Variants in CACNA1D observed in about 807,000 individuals in gnomAD.
The protein encoded by CACNA1D is voltage-dependent L-type calcium channel subunit alpha-1D.
CACNA1D carries 55 observed loss-of-function variants against 257.1 expected under a neutral mutation model. That is an observed-to-expected ratio of 0.21 (90% CI 0.17 to 0.27). The LOEUF (loss-of-function observed/expected upper bound fraction) is 0.27, where lower values mean the gene tolerates loss of function less well. Ranked by LOEUF, CACNA1D falls within the 10% of genes least tolerant of loss-of-function variation. The pLI is 1.00. For synonymous variants in CACNA1D, 980 were observed against 1,014.9 expected, an observed-to-expected ratio of 0.97 and a Z score of 0.65; for missense variants, 1,876 against 2,784.0, an observed-to-expected ratio of 0.67 and a Z score of 7.34.
At chr3:53,548,178 C>A (rs1168613586) in intron 3 of CACNA1D, among the ~76,000 whole-genome samples, 2 of 152,094 alleles carry the variant, frequency 1.3e-5, no homozygotes. Flanking sequence ...CACCTTTCTC[C>A]CCTGAAAGAT....
intron 3 of CACNA1D, among the ~76,000 whole-genome samples, chr3:53,559,379 T>C (rs2092699019): frequency 6.6e-6 from 1 of 152,190 alleles, no homozygotes; most frequent in African/African-American, 2.4e-5. Context: ...TTCCAGTTTT[T>C]CGTATGTTGA....
chr3:53,751,607 G>T lies in CACNA1D; in HGVS notation c.3517-142G>T. ...AGAGTGGTGCCAGCAGCAGGAAGGG[G>T]GTCACTCGTAATCATTTTCACCATC... is the stretch of plus-strand genomic sequence containing the variant. On this transcript the variant is annotated intron_variant, in intron 27 of 47. Coordinates refer to ENST00000350061, the MANE Select transcript of CACNA1D (RefSeq NM_001128840.3). This position sits in a 1 kb window ranked among gnomAD's most constrained non-coding sequence, Gnocchi z 4.3. 1.2e-6 allele frequency: 1 copy of T among 826,268 alleles called. No individual in the cohort carries two copies. The highest frequency in any genetic ancestry group is 2.1e-6 in the Non-Finnish European group (1 of 487,296). The allele number at this position is 826,268 out of a possible 1,614,324, so 51.2% of individuals were successfully genotyped here. A position where few individuals can be genotyped will look rare whatever the true frequency, so the allele number is the denominator to read the frequency against.
intron 29 of CACNA1D, among the ~76,000 whole-genome samples, chr3:53,757,636 A>G (rs2095273633): frequency 1.3e-5 from 2 of 152,176 alleles, no homozygotes; most frequent in Non-Finnish European, 2.9e-5. Flanking sequence ...TTAGTCGAAT[A>G]TTCAAAGTCC....
At chr3:53,719,562 T>C (rs906388985) in intron 10 of CACNA1D, among the ~76,000 whole-genome samples, 193 bp from the exon 11 acceptor site, 1 of 152,196 alleles carries the variant, frequency 6.6e-6, no homozygotes, top group Admixed American at 6.5e-5. Flanking sequence ...TCGAGGGTGC[T>C]CAGTCTGCTC....
In CACNA1D at chr3:53,721,542, G is replaced by A. The variant is rs545564530; in HGVS notation, c.1506-772G>A. Among the ~76,000 whole-genome samples, 4 of 152,346 alleles carry A rather than the reference G, an allele frequency of 2.6e-5. No individual in the cohort carries two copies. In the South Asian group the frequency reaches 8.3e-4, roughly 32 times the overall value. On this transcript the variant is annotated intron_variant, in intron 11 of 47. Transcript: ENST00000350061. ...GGTTTTCTAGAAGGAGACAGGCTAAGGGAGAGAATATTTTCTCTAATCACA... is the reference window on the plus strand; with the variant it reads ...GGTTTTCTAGAAGGAGACAGGCTAAAGGAGAGAATATTTTCTCTAATCACA...
At chr3:53,656,926 G>A (rs938318579) in intron 4 of CACNA1D, among the ~76,000 whole-genome samples, 2 of 152,074 alleles carry the variant, frequency 1.3e-5, no homozygotes, top group Non-Finnish European at 2.9e-5. Flanking sequence ...CCAAAATATG[G>A]AACAACTGGA....
intron 2 of CACNA1D, among the ~76,000 whole-genome samples, chr3:53,498,838 T>G (rs898389300): frequency 1.3e-5 from 2 of 152,236 alleles, no homozygotes; most frequent in African/African-American, 4.8e-5. Context: ...TCTCATGTGC[T>G]TTTTCATTTT....
intron 3 of CACNA1D, among the ~76,000 whole-genome samples, chr3:53,576,018 G>A (rs1053377321): frequency 2.0e-5 from 3 of 152,142 alleles, no homozygotes; most frequent in African/African-American, 7.2e-5. Flanking sequence ...AGATTTTTGT[G>A]TCTGGTGGGA....
At chr3:53,586,419 C>A (rs528779078) in intron 3 of CACNA1D, among the ~76,000 whole-genome samples, 2 of 150,076 alleles carry the variant, frequency 1.3e-5, no homozygotes, top group Admixed American at 6.6e-5. Flanking sequence ...TCATTCTCTT[C>A]GAGGTAACAA....
chr3:53,803,477 A>G lies in CACNA1D; in HGVS notation c.5490A>G (p.Ile1830Met). ...LPTICREDPE[I>M]HGYFRDPHCL... ...CTATTTGCCGGGAAGACCCAGAGATACATGGCTATTTCAGGGACCCCCACT... is the reference window on the plus strand; with the variant it reads ...CTATTTGCCGGGAAGACCCAGAGATGCATGGCTATTTCAGGGACCCCCACT... The change falls in exon 44 of 48, where the codon ATA becomes ATG. Residue 1830 changes from isoleucine to methionine, a missense_variant. Transcript: ENST00000350061. The G allele has an allele frequency of 1.9e-6, 3 of 1,614,228 alleles. No homozygotes were observed. The highest frequency in any genetic ancestry group is 2.2e-5 in the East Asian group (1 of 44,882).
At position 53,690,600 on chromosome 3, in the gene CACNA1D, G is replaced by C. The variant is rs919864128; in HGVS notation, c.1221-12041G>C. Among the ~76,000 whole-genome samples the C allele has an allele frequency of 3.9e-5, 6 of 152,316 alleles. No individual in the cohort carries two copies. In the South Asian group the frequency reaches 1.2e-3, roughly 32 times the overall value. On this transcript the variant is annotated intron_variant, in intron 8 of 47. Transcript: ENST00000350061. ...TTCAGTGGGCACTCCCCCTGCGGGG[G>C]GATCTTCTCTATCCCTCTCCTCTCT...
intron 3 of CACNA1D, among the ~76,000 whole-genome samples, chr3:53,630,686 G>A (rs1453450926): frequency 6.6e-6 from 1 of 152,192 alleles, no homozygotes; most frequent in Non-Finnish European, 1.5e-5. Context: ...CAGTTCAAAT[G>A]ACAAGTTGGT....
chr3:53,791,230 C>G, intron 40 of CACNA1D: 3 of 553,910 alleles, frequency 5.4e-6, no homozygotes, highest in Non-Finnish European at 9.6e-6. Flanking sequence ...GGCTGCCTGT[C>G]GCGGACGTTG....
chr3:53,609,336 GGAGGCA>G (rs1396071990), intron 3 of CACNA1D, among the ~76,000 whole-genome samples: 1 of 150,958 alleles, frequency 6.6e-6, no homozygotes, highest in East Asian at 1.9e-4. Context: ...CGTGATCCTG[GGAGGCA>G]GAGCTTGCAG....
rs1017115142 is a variant in CACNA1D, at chr3:53,776,511, T to C, written c.4363-92T>C. The C allele has an allele frequency of 2.0e-6, 3 of 1,465,614 alleles. No homozygotes were observed. In the Admixed American group the frequency reaches 5.2e-5, roughly 25 times the overall value. 90.8% of individuals were successfully genotyped at this position (1,465,614 alleles called of 1,614,324 possible). ...CTTCTCTTGGAGACATGGGTTCCCA[T>C]GTTTCATGTCCATGTCATTAGAAAG... On this transcript the variant is annotated intron_variant, in intron 35 of 47. Coordinates refer to ENST00000350061, the MANE Select transcript of CACNA1D (RefSeq NM_001128840.3).
At chr3:53,809,835 C>T (rs1056637449) in intron 46 of CACNA1D, 143 bp from the exon 47 acceptor site, 1 of 770,944 alleles carries the variant, frequency 1.3e-6, no homozygotes, top group Non-Finnish European at 2.4e-6. Flanking sequence ...ATTCAGCGTA[C>T]TTCAGTGTGC....
At chr3:53,503,105 ATGT>A (rs1286463919) in intron 3 of CACNA1D, among the ~76,000 whole-genome samples, 1 of 152,196 alleles carries the variant, frequency 6.6e-6, no homozygotes, top group Non-Finnish European at 1.5e-5. Flanking sequence ...TACATTTAAA[ATGT>A]TGTGGCACAT....
intron 22 of CACNA1D, among the ~76,000 whole-genome samples, chr3:53,744,367 C>T (rs1053844427): frequency 6.6e-6 from 1 of 152,184 alleles, no homozygotes; most frequent in Non-Finnish European, 1.5e-5. Flanking sequence ...AGCCCTGGTA[C>T]CAAAGTGCTA....
At chr3:53,535,571 C>A (rs1371205564) in intron 3 of CACNA1D, among the ~76,000 whole-genome samples, 2 of 152,116 alleles carry the variant, frequency 1.3e-5, no homozygotes, top group Non-Finnish European at 2.9e-5. Context: ...TTGGATGGAT[C>A]TTCTTAATGT....
Sources: gnomAD v4.1 joint callset for allele counts (sites outside exome capture counted in the v4.1 genomes callset) on GRCh38, gnomAD v4.1.1 for gene constraint, Gnocchi (gnomAD v3.1) non-coding constraint, MANE v1.5 for transcripts, NCBI Gene and HGNC (gene_info 2026-07-23, HGNC 2026-07-21) for gene names.